The following CSE1L variants were observed in gnomAD, a reference collection of about 807,000 sequenced individuals.
The protein encoded by CSE1L is exportin-2.
A neutral mutation model predicts 120.4 loss-of-function variants in CSE1L; 24 were observed. That is an observed-to-expected ratio of 0.20 (90% CI 0.14 to 0.28). The LOEUF is 0.28. Among genes scored for constraint, CSE1L ranks in the 10% least tolerant of loss-of-function variants. The probability of loss-of-function intolerance (pLI) is 1.00; values close to 1 mark genes in which losing one functional copy is unlikely to be tolerated. For missense variants in CSE1L, 830 were observed against 1,145.2 expected (o/e 0.72, Z 3.97); for synonymous variants, 402 against 398.3 (o/e 1.01, Z -0.11).
chr20:49,057,596 G>C (rs890885026), intron 1 of CSE1L, among the ~76,000 whole-genome samples: 14 of 151,716 alleles, frequency 9.2e-5, no homozygotes, highest in Admixed American at 2.0e-4. Context: ...GGGACTGAAG[G>C]CACCCACTAC....
intron 22 of CSE1L, 84 bp downstream of exon 22, chr20:49,092,211 TGATG>T: frequency 1.4e-6 from 1 of 701,630 alleles, no homozygotes; most frequent in Non-Finnish European, 2.4e-6. Flanking sequence ...GTCTTATAGA[TGATG>T]ATGTGGTTCT....
intron 1 of CSE1L, among the ~76,000 whole-genome samples, chr20:49,047,976 C>A (rs2091733486): frequency 6.6e-6 from 1 of 152,086 alleles, no homozygotes; most frequent in Non-Finnish European, 1.5e-5. Context: ...CTTCTCTCTC[C>A]CTGGTGGGTG....
At chr20:49,060,342 C>A (rs1283267697) in intron 2 of CSE1L, among the ~76,000 whole-genome samples, 1 of 151,212 alleles carries the variant, frequency 6.6e-6, no homozygotes, top group African/African-American at 2.4e-5. Context: ...ATTAGCTGGG[C>A]GTGGTGGTGC....
rs745440251 is a variant in CSE1L at position 49,066,383 on chromosome 20, A to C, written c.349A>C (p.Ile117Leu). Residue 117 changes from isoleucine to leucine, a missense_variant, in exon 5 of 25, where the codon ATT (isoleucine) becomes CTT (leucine). Physicochemically the swap from Ile to Leu is conservative, Grantham distance 5. This residue lies in a region of CSE1L where 543 missense variants were observed against 640.2 expected (regional missense o/e 0.85). Transcript: ENST00000262982. The part of the protein sequence containing the change: ...IQKQLSDAIS[I>L]IGREDFPQKW... Reference sequence around the variant, plus strand: ...CTCCTAGTTAAGTGATGCAATTAGCATTATTGGCAGAGAAGATTTTCCACA... The same window carrying C: ...CTCCTAGTTAAGTGATGCAATTAGCCTTATTGGCAGAGAAGATTTTCCACA... The C allele has an allele frequency of 1.2e-6, 2 of 1,614,198 alleles. No homozygotes were observed. The highest frequency in any genetic ancestry group is 8.5e-7 in the Non-Finnish European group (1 of 1,180,034).
chr20:49,073,106 G>A (rs938416718), intron 10 of CSE1L, among the ~76,000 whole-genome samples: 1 of 152,006 alleles, frequency 6.6e-6, no homozygotes, highest in African/African-American at 2.4e-5. Flanking sequence ...TAGCCTCCCA[G>A]GCTCAAGTGA....
intron 2 of CSE1L, 60 bp from the exon 3 acceptor site, chr20:49,063,129 TATATATATATTTG>T: frequency 4.1e-6 from 3 of 732,260 alleles, no homozygotes; most frequent in Non-Finnish European, 5.7e-6. Context: ...TTTTTTTTTA[TATATATATATTTG>T]ATATATATAA....
intron 15 of CSE1L, 53 bp downstream of exon 15, chr20:49,084,215 T>C: frequency 6.7e-7 from 1 of 1,495,102 alleles, no homozygotes; most frequent in Non-Finnish European, 9.1e-7. Context: ...TGTACTGTGC[T>C]GGTCAAAGAT....
At chr20:49,050,385 ATTTTT>A (rs1243770980) in intron 1 of CSE1L, among the ~76,000 whole-genome samples, 1 of 79,018 alleles carries the variant, frequency 1.3e-5, no homozygotes, top group African/African-American at 5.7e-5. Context: ...AGCCCAGCTA[ATTTTT>A]TTTTTTTTTT....
chr20:49,058,610 G>A, intron 2 of CSE1L, 62 bp downstream of exon 2: 3 of 1,223,054 alleles, frequency 2.5e-6, no homozygotes, highest in Non-Finnish European at 3.5e-6. Context: ...AGAAACCTAT[G>A]TATTATCTGC....
intron 8 of CSE1L, among the ~76,000 whole-genome samples, chr20:49,071,359 C>A (rs751979377): frequency 1.3e-5 from 2 of 152,174 alleles, no homozygotes; most frequent in Non-Finnish European, 2.9e-5. Context: ...ACAAAAGTCA[C>A]AAGGAAATTT....
intron 16 of CSE1L, among the ~76,000 whole-genome samples, chr20:49,086,359 CTTTTTTTTTTTTT>C (rs10648977): frequency 1.3e-5 from 1 of 77,644 alleles, no homozygotes; most frequent in Non-Finnish European, 2.3e-5. Context: ...GTTTAATGTC[CTTTTTTTTTTTTT>C]TTTTTTTTTT....
At chr20:49,062,327 G>A (rs2091859239) in intron 2 of CSE1L, among the ~76,000 whole-genome samples, 1 of 152,086 alleles carries the variant, frequency 6.6e-6, no homozygotes, top group African/African-American at 2.4e-5. Context: ...AAGAGGGAAG[G>A]TGTTAAATGA....
intron 2 of CSE1L, 121 bp downstream of exon 2, chr20:49,058,669 A>T (rs1479823561): frequency 1.5e-6 from 1 of 687,470 alleles, no homozygotes; most frequent in Non-Finnish European, 2.4e-6. Flanking sequence ...TCTCAAGCGT[A>T]GTTTATAAGT....
intron 24 of CSE1L, chr20:49,095,224 C>A (rs1455007859): frequency 2.2e-5 from 12 of 548,792 alleles, no homozygotes; most frequent in Non-Finnish European, 3.2e-5. Flanking sequence ...TGTAATAAGG[C>A]TGTATAGTTG....
At chr20:49,081,238 G>A (rs541663694) in intron 14 of CSE1L, among the ~76,000 whole-genome samples, 209 of 151,986 alleles carry the variant, frequency 1.4e-3, no homozygotes, top group Non-Finnish European at 1.8e-3. Context: ...CCCCTGCCTC[G>A]GTCTCCGAAA....
intron 14 of CSE1L, among the ~76,000 whole-genome samples, chr20:49,083,072 T>G (rs1350672160): frequency 6.6e-6 from 1 of 151,804 alleles, no homozygotes; most frequent in Admixed American, 6.6e-5. Flanking sequence ...TTGCCCACGC[T>G]GGAGTGCAGT....
At chr20:49,056,137 C>G (rs2091804806) in intron 1 of CSE1L, among the ~76,000 whole-genome samples, 1 of 149,826 alleles carries the variant, frequency 6.7e-6, no homozygotes. Flanking sequence ...GAGACAAAGT[C>G]TCGCTCTTTC....
At chr20:49,079,481 G>A (rs1272298083) in intron 14 of CSE1L, among the ~76,000 whole-genome samples, 1 of 151,786 alleles carries the variant, frequency 6.6e-6, no homozygotes, top group Non-Finnish European at 1.5e-5. Flanking sequence ...ACCAGCCTTG[G>A]CCTCCCAAAG....
intron 17 of CSE1L, 52 bp downstream of exon 17, chr20:49,088,158 G>C: frequency 8.0e-7 from 1 of 1,250,606 alleles, no homozygotes. Context: ...GCTCCAAACT[G>C]TTTGGGCCTC....
Sources: gnomAD v4.1 joint callset for allele counts (sites outside exome capture counted in the v4.1 genomes callset) on GRCh38, gnomAD v4.1.1 for gene constraint, gnomAD v4.1.1 regional missense constraint, MANE v1.5 for transcripts, NCBI Gene and HGNC (gene_info 2026-07-23, HGNC 2026-07-21) for gene names.